The following FBXO25 variants were observed in gnomAD, a reference collection of about 807,000 sequenced individuals.
FBXO25 encodes the protein F-box only protein 25.
Under a neutral mutation model 51.9 loss-of-function variants are expected in FBXO25, and 45 were observed. The observed-to-expected ratio is 0.87, with a 90% CI of 0.68 to 1.11. FBXO25 has a LOEUF of 1.11. Among genes scored for constraint, FBXO25 ranks in the 50% most tolerant of loss-of-function variants. The pLI is 0.00. For missense variants in FBXO25, 507 were observed against 428.5 expected, an observed-to-expected ratio of 1.18 and a Z score of -1.62; for synonymous variants, 199 against 151.0, an observed-to-expected ratio of 1.32 and a Z score of -2.33.
At chr8:446,095 T>C (rs1201364246) in intron 5 of FBXO25, among the ~76,000 whole-genome samples, 3 of 152,084 alleles carry the variant, frequency 2.0e-5, no homozygotes, top group Admixed American at 1.3e-4. Context: ...TCTTCTGTAA[T>C]GTAGCATGCT....
chr8:414,268 A>G (rs868158066), intron 2 of FBXO25, among the ~76,000 whole-genome samples: 2 of 152,234 alleles, frequency 1.3e-5, no homozygotes, highest in Non-Finnish European at 2.9e-5. Context: ...GCTTGTAATT[A>G]TGCTGTTGGT....
intron 2 of FBXO25, among the ~76,000 whole-genome samples, chr8:414,773 A>G (rs1472401506): frequency 2.0e-5 from 3 of 152,158 alleles, no homozygotes; most frequent in African/African-American, 4.8e-5. Flanking sequence ...AGGTTTTATG[A>G]CAGCAACGCT....
At chr8:465,860 A>AT (rs1450645483) in intron 9 of FBXO25, among the ~76,000 whole-genome samples, 1 of 152,132 alleles carries the variant, frequency 6.6e-6, no homozygotes, top group African/African-American at 2.4e-5. Flanking sequence ...GTAATTTCTG[A>AT]TTTTTTTAAA....
intron 1 of FBXO25, among the ~76,000 whole-genome samples, chr8:410,028 T>A (rs934417680): frequency 6.6e-6 from 1 of 152,150 alleles, no homozygotes; most frequent in African/African-American, 2.4e-5. Flanking sequence ...ATTCCCATGA[T>A]TGATATTTTT....
At chr8:417,157 T>C (rs1796858138) in intron 2 of FBXO25, among the ~76,000 whole-genome samples, 1 of 152,186 alleles carries the variant, frequency 6.6e-6, no homozygotes, top group African/African-American at 2.4e-5. Context: ...GGAGACAAGA[T>C]CCCAGCCTGA....
chr8:443,560 A>G (rs1373006128), intron 5 of FBXO25, among the ~76,000 whole-genome samples: 1 of 151,136 alleles, frequency 6.6e-6, no homozygotes, highest in Non-Finnish European at 1.5e-5. Context: ...AACCCCAAAA[A>G]TAGAATGACT....
At position 414,935 on chromosome 8, in the gene FBXO25, G is replaced by A. The variant is rs1396562097; in HGVS notation, c.134+1722G>A. ...GACTTTTGTCCGTTCCTACCAAAAT[G>A]GAAATCCAAACCTGTGGGTAGAGGC... On this transcript the variant is annotated intron_variant, in intron 2 of 9. Transcript: ENST00000350302. Among the ~76,000 whole-genome samples, 9 of 152,270 alleles carry A rather than the reference G, an allele frequency of 5.9e-5. No individual in the cohort carries two copies. The East Asian group carries it at 1.7e-3, about 29-fold the overall frequency.
At chr8:424,107 GTCCTTTGCCCA>G (rs1797325650) in intron 2 of FBXO25, among the ~76,000 whole-genome samples, 1 of 146,774 alleles carries the variant, frequency 6.8e-6, no homozygotes, top group Non-Finnish European at 1.5e-5. Context: ...GCCTGTTCAT[GTCCTTTGCCCA>G]TTTTTTTTTT....
At chr8:460,914 C>T (rs1799767057) in intron 8 of FBXO25, among the ~76,000 whole-genome samples, 1 of 152,152 alleles carries the variant, frequency 6.6e-6, no homozygotes, top group South Asian at 2.1e-4. Context: ...TCCTCAAAAG[C>T]CGTGACTGAA....
rs950413507 is a variant in FBXO25, at chr8:474,959, T to C, written c.*6155T>C. 4 of 414,102 alleles carry C rather than the reference T, an allele frequency of 9.7e-6. No homozygotes were observed. The highest frequency in any genetic ancestry group is 8.4e-5 in the African/African-American group (4 of 47,784). The allele number at this position is 414,102 out of a possible 1,614,324, so 25.7% of individuals were successfully genotyped here. On this transcript the variant is annotated 3_prime_UTR_variant, in exon 10 of 10. Transcript: ENST00000350302. ...CCGTGGATTGCCTTTCACTCTGTTTTGTTCTTTGATGTACAGAAGTTGTTT... is the reference window on the plus strand; with the variant it reads ...CCGTGGATTGCCTTTCACTCTGTTTCGTTCTTTGATGTACAGAAGTTGTTT...
At chr8:441,751 A>C (rs926851222) in intron 5 of FBXO25, among the ~76,000 whole-genome samples, 1 of 152,246 alleles carries the variant, frequency 6.6e-6, no homozygotes, top group African/African-American at 2.4e-5. Flanking sequence ...CAGCCAACAA[A>C]CATGAAGAAA....
At position 473,204 on chromosome 8, in the gene FBXO25, C is replaced by G. The variant is rs558690117; in HGVS notation, c.*4400C>G. On this transcript the variant is annotated 3_prime_UTR_variant, in exon 10 of 10. Coordinates refer to ENST00000350302, the MANE Select transcript of FBXO25 (RefSeq NM_183420.2). ...CCTCAACTTTGGAAAGCAGTGTCCC[C>G]CCGCGTCCCATGGGCTAAATGCCAC... 3 of 152,312 alleles carry G rather than the reference C, an allele frequency of 2.0e-5. No individual in the cohort carries two copies. Among genetic ancestry groups the G allele is most frequent in the Non-Finnish European group, 4.4e-5 (3 of 68,132 alleles). The allele number at this position is 152,312 out of a possible 1,614,324, so 9.4% of individuals were successfully genotyped here.
chr8:449,271 G>A (rs568754790), intron 5 of FBXO25, among the ~76,000 whole-genome samples: 2 of 152,332 alleles, frequency 1.3e-5, no homozygotes, highest in Non-Finnish European at 2.9e-5. Flanking sequence ...TTCCTGCCAT[G>A]ATGCACATCA....
At chr8:409,088 G>T (rs1300113339) in intron 1 of FBXO25, among the ~76,000 whole-genome samples, 1 of 152,154 alleles carries the variant, frequency 6.6e-6, no homozygotes, top group Non-Finnish European at 1.5e-5. Flanking sequence ...ATTGTTTTCT[G>T]ATTTGCAAAC....
intron 2 of FBXO25, among the ~76,000 whole-genome samples, chr8:427,150 C>T (rs1374084037): frequency 6.6e-6 from 1 of 151,948 alleles, no homozygotes; most frequent in African/African-American, 2.4e-5. Context: ...TTGATGAACA[C>T]AGTGTGACTT....
chr8:417,842 AC>A (rs1337829972), intron 2 of FBXO25, among the ~76,000 whole-genome samples: 2 of 152,196 alleles, frequency 1.3e-5, no homozygotes, highest in Non-Finnish European at 2.9e-5. Context: ...GCTATTTCCC[AC>A]TTTTCATTAT....
intron 5 of FBXO25, among the ~76,000 whole-genome samples, chr8:436,356 T>A (rs891635375): frequency 6.6e-6 from 1 of 152,252 alleles, no homozygotes; most frequent in Non-Finnish European, 1.5e-5. Flanking sequence ...ATTAATTTTG[T>A]GTTTCTAATG....
At chr8:466,235 G>A (rs1056473581) in intron 9 of FBXO25, among the ~76,000 whole-genome samples, 1 of 152,224 alleles carries the variant, frequency 6.6e-6, no homozygotes, top group Non-Finnish European at 1.5e-5. Flanking sequence ...TCCGCCGTGG[G>A]TTTGCCCAGT....
intron 7 of FBXO25, among the ~76,000 whole-genome samples, chr8:452,768 G>A (rs1375935637): frequency 6.6e-6 from 1 of 152,212 alleles, no homozygotes; most frequent in Non-Finnish European, 1.5e-5. Context: ...GTGGAGAGAT[G>A]TGCACCGGTG....
Sources: gnomAD v4.1 joint callset for allele counts (sites outside exome capture counted in the v4.1 genomes callset) on GRCh38, gnomAD v4.1.1 for gene constraint, MANE v1.5 for transcripts, NCBI Gene and HGNC (gene_info 2026-07-23, HGNC 2026-07-21) for gene names.